The following NAALADL2 variants were observed in gnomAD, a reference collection of about 807,000 sequenced individuals.
NAALADL2 encodes N-acetylated alpha-linked acidic dipeptidase like 2, also known as inactive N-acetylated-alpha-linked acidic dipeptidase-like protein 2.
In NAALADL2, 76 loss-of-function variants were observed where a neutral mutation model predicts 87.2. The observed-to-expected ratio is 0.87, with a 90% confidence interval of 0.72 to 1.05. NAALADL2 has a LOEUF of 1.05. NAALADL2 is among the 50% of genes least tolerant of loss of function. NAALADL2 has a pLI of 0.00. For missense variants in NAALADL2, 1,089 were observed against 945.8 expected, an observed-to-expected ratio of 1.15 and a Z score of -1.99; for synonymous variants, 354 against 331.0, an observed-to-expected ratio of 1.07 and a Z score of -0.75.
chr3:174,813,974 T>C (rs1334268269), intron 3 of NAALADL2, among the ~76,000 whole-genome samples: 2 of 152,216 alleles, frequency 1.3e-5, no homozygotes, highest in Non-Finnish European at 2.9e-5. Flanking sequence ...GACATACATA[T>C]CTTCATTCCA....
chr3:175,677,173 G>A (rs187984676), intron 11 of NAALADL2, among the ~76,000 whole-genome samples: 39 of 151,976 alleles, frequency 2.6e-4, no homozygotes, highest in African/African-American at 8.7e-4. Flanking sequence ...GACCATCCTG[G>A]CCAACGTGGT....
intron 3 of NAALADL2, among the ~76,000 whole-genome samples, chr3:174,769,758 T>A (rs1436026071): frequency 2.6e-5 from 4 of 151,436 alleles, no homozygotes; most frequent in Non-Finnish European, 5.9e-5. Flanking sequence ...AATTAAAAGT[T>A]TTTTTCTCTT....
intron 3 of NAALADL2, among the ~76,000 whole-genome samples, chr3:174,802,288 A>C (rs899818810): frequency 6.6e-6 from 1 of 152,196 alleles, no homozygotes; most frequent in African/African-American, 2.4e-5. Context: ...CATTAAACAA[A>C]TGGCACAAAA....
chr3:175,463,542 A>C, intron 7 of NAALADL2, 49 bp downstream of exon 7: 5 of 980,174 alleles, frequency 5.1e-6, no homozygotes, highest in Non-Finnish European at 7.7e-6. Context: ...GAAACTATAC[A>C]AGGAAATGCT....
chr3:175,215,988 A>G (rs958717008), intron 2 of NAALADL2, among the ~76,000 whole-genome samples: 3 of 152,184 alleles, frequency 2.0e-5, no homozygotes, highest in African/African-American at 7.2e-5. Flanking sequence ...CTATGACATG[A>G]TGACATGTCA....
intron 13 of NAALADL2, among the ~76,000 whole-genome samples, chr3:175,780,789 A>C (rs185874530): frequency 1.3e-5 from 2 of 152,348 alleles, no homozygotes; most frequent in African/African-American, 4.8e-5. Context: ...AAACTGTAAC[A>C]TGTCAAGATT....
chr3:175,787,283 G>A (rs902340307), intron 13 of NAALADL2, among the ~76,000 whole-genome samples: 3 of 152,074 alleles, frequency 2.0e-5, no homozygotes, highest in African/African-American at 7.2e-5. Flanking sequence ...AATCAAGCCT[G>A]GGCAATGGCG....
At chr3:175,393,819 C>A (rs1458153191) in intron 5 of NAALADL2, among the ~76,000 whole-genome samples, 1 of 152,172 alleles carries the variant, frequency 6.6e-6, no homozygotes, top group African/African-American at 2.4e-5. Context: ...ACTATCCATA[C>A]CCAAATTTTG....
At chr3:174,893,308 C>CA (rs1731084028) in intron 1 of NAALADL2, among the ~76,000 whole-genome samples, 1 of 128,704 alleles carries the variant, frequency 7.8e-6, no homozygotes, top group African/African-American at 3.1e-5. Flanking sequence ...GGGAGTACTT[C>CA]AACCCCCCCC....
intron 1 of NAALADL2, among the ~76,000 whole-genome samples, chr3:175,053,725 A>G (rs532648296): frequency 2.8e-4 from 42 of 152,302 alleles, no homozygotes; most frequent in African/African-American, 9.9e-4. Context: ...TTAGGTTCCA[A>G]TCCTCGAGGA....
At chr3:174,616,425 C>A (rs1720466003) in intron 2 of NAALADL2, among the ~76,000 whole-genome samples, 1 of 151,934 alleles carries the variant, frequency 6.6e-6, no homozygotes, top group African/African-American at 2.4e-5. Flanking sequence ...TTGATACAGG[C>A]TCTGAATGAT....
At chr3:174,458,851 T>C (rs1057405257) in intron 1 of NAALADL2, among the ~76,000 whole-genome samples, 15 of 152,220 alleles carry the variant, frequency 9.9e-5, no homozygotes, top group Admixed American at 9.2e-4. Context: ...GACTATAGCC[T>C]CATCTCCTGT....
At chr3:175,463,296 C>A in intron 6 of NAALADL2, 105 bp from the exon 7 acceptor site, 1 of 654,390 alleles carries the variant, frequency 1.5e-6, no homozygotes, top group Non-Finnish European at 2.5e-6. Flanking sequence ...ACATTCAATT[C>A]TGTGGAATTC....
At chr3:174,728,574 T>G (rs768294400) in intron 2 of NAALADL2, among the ~76,000 whole-genome samples, 2 of 152,018 alleles carry the variant, frequency 1.3e-5, no homozygotes, top group Non-Finnish European at 2.9e-5. Flanking sequence ...CTCTCACCAG[T>G]GTACTTGAAA....
intron 9 of NAALADL2, among the ~76,000 whole-genome samples, chr3:175,501,157 G>A (rs1319810993): frequency 6.6e-6 from 1 of 152,072 alleles, no homozygotes; most frequent in South Asian, 2.1e-4. Flanking sequence ...AATGGCTTGG[G>A]CATCAGTCAG....
At chr3:174,774,628 C>A (rs986118672) in intron 3 of NAALADL2, among the ~76,000 whole-genome samples, 2 of 152,124 alleles carry the variant, frequency 1.3e-5, no homozygotes, top group African/African-American at 2.4e-5. Context: ...CTTTAGCAGA[C>A]CCATGGGGAG....
At chr3:174,614,600 A>T (rs1720264108) in intron 2 of NAALADL2, among the ~76,000 whole-genome samples, 1 of 152,132 alleles carries the variant, frequency 6.6e-6, no homozygotes, top group Non-Finnish European at 1.5e-5. Flanking sequence ...ATGATTCAGG[A>T]CTGTTTGTCC....
chr3:174,826,056 A>AACG (rs796128241), intron 3 of NAALADL2, among the ~76,000 whole-genome samples: 38 of 133,772 alleles, frequency 2.8e-4, no homozygotes, highest in Middle Eastern at 7.6e-3. Context: ...CAACAACGAC[A>AACG]ACAACAACAA....
chr3:174,789,716 T>A (rs1717235887), intron 3 of NAALADL2, among the ~76,000 whole-genome samples: 1 of 152,216 alleles, frequency 6.6e-6, no homozygotes, highest in East Asian at 1.9e-4. Context: ...CATCAGCAGC[T>A]AATATCATAG....
Sources: allele counts gnomAD v4.1 joint callset (sites outside exome capture counted in the v4.1 genomes callset), GRCh38; gene constraint gnomAD v4.1.1; transcripts MANE v1.5; gene names NCBI Gene and HGNC (gene_info 2026-07-23, HGNC 2026-07-21).